The following FABP12 variants were observed in gnomAD, a reference collection of about 807,000 sequenced individuals.
FABP12 encodes fatty acid binding protein 12.
FABP12 carries 19 observed loss-of-function variants against 13.7 expected under a neutral mutation model. That is an observed-to-expected ratio of 1.39 (90% CI 0.97 to 2.04). The LOEUF (loss-of-function observed/expected upper bound fraction) is 2.04, where lower values mean the gene tolerates loss of function less well. Ranked by LOEUF, FABP12 falls within the 30% of genes most tolerant of loss-of-function variation. The pLI, the probability that FABP12 is intolerant of heterozygous loss-of-function variation, is 0.00. For synonymous variants in FABP12, 61 were observed against 57.0 expected (o/e 1.07, Z -0.32); for missense variants, 182 against 164.2 (o/e 1.11, Z -0.59).
chr8:81,562,071 A>C (rs1809732268), intron 1 of FABP12, among the ~76,000 whole-genome samples: 1 of 152,054 alleles, frequency 6.6e-6, no homozygotes, highest in Non-Finnish European at 1.5e-5. Context: ...AATAAAGAAA[A>C]CTTTATCTTG....
chr8:81,568,966 G>A (rs1025090109), intron 1 of FABP12, among the ~76,000 whole-genome samples: 5 of 152,148 alleles, frequency 3.3e-5, no homozygotes, highest in African/African-American at 1.2e-4. Flanking sequence ...GGCTAAGAAG[G>A]GTGGTGGTGG....
Position 81,543,592 on chromosome 8 carries a change from A to G in FABP12, c.-184-3849T>C, listed in dbSNP as rs191046765. Among the ~76,000 whole-genome samples the G allele has an allele frequency of 1.6e-4, 24 of 152,348 alleles. 1 individual carries two copies. Among genetic ancestry groups the G allele is most frequent in the Admixed American group, 7.2e-4 (11 of 15,302 alleles). Reference sequence around the variant, plus strand: ...AAGTGAGATGTTCTCATTAACCTATAAGTATATAAAAGTATGTATACCCTG... The same window carrying G: ...AAGTGAGATGTTCTCATTAACCTATGAGTATATAAAAGTATGTATACCCTG... On this transcript the variant is annotated intron_variant, in intron 1 of 5. Transcript: ENST00000692030.
chr8:81,565,955 A>G (rs1465839152), intron 1 of FABP12, among the ~76,000 whole-genome samples: 2 of 152,044 alleles, frequency 1.3e-5, no homozygotes, highest in African/African-American at 2.4e-5. Context: ...AGAAGATCCA[A>G]TAAATAAAAT....
intron 1 of FABP12, among the ~76,000 whole-genome samples, chr8:81,589,581 T>A (rs1418183493): frequency 6.6e-6 from 1 of 152,168 alleles, no homozygotes; most frequent in Non-Finnish European, 1.5e-5. Flanking sequence ...TTAGGGAGAA[T>A]AAGAAAGATT....
At chr8:81,543,579 C>T (rs536615915) in intron 1 of FABP12, among the ~76,000 whole-genome samples, 4 of 152,250 alleles carry the variant, frequency 2.6e-5, no homozygotes, top group African/African-American at 9.6e-5. Context: ...GTGAGATGTT[C>T]TCATTAACCT....
chr8:81,571,420 G>A (rs1266367273), intron 1 of FABP12, among the ~76,000 whole-genome samples: 1 of 152,232 alleles, frequency 6.6e-6, no homozygotes, highest in East Asian at 1.9e-4. Context: ...GCAGATGTCT[G>A]CCTCGAAGAC....
chr8:81,542,213 C>A (rs569400173), intron 1 of FABP12, among the ~76,000 whole-genome samples: 1 of 152,062 alleles, frequency 6.6e-6, no homozygotes, highest in Non-Finnish European at 1.5e-5. Flanking sequence ...GGAAAGGGAA[C>A]GAAGTGAAAT....
At chr8:81,527,292 TC>T (rs1808928960) in intron 3 of FABP12, among the ~76,000 whole-genome samples, 171 bp from the exon 4 acceptor site, 1 of 152,186 alleles carries the variant, frequency 6.6e-6, no homozygotes, top group African/African-American at 2.4e-5. Flanking sequence ...GTTGCCTAAT[TC>T]TGCTGAAGAA....
chr8:81,552,703 T>G (rs366564), intron 1 of FABP12, among the ~76,000 whole-genome samples: 57,561 of 152,000 alleles, frequency 0.38, 12,141 homozygotes, highest in African/African-American at 0.58. Context: ...GGTCTATTTT[T>G]TTCACTGATA....
chr8:81,525,845 CACTA>C (rs940897385), intron 4 of FABP12: 7 of 152,082 alleles, frequency 4.6e-5, no homozygotes, highest in Middle Eastern at 3.2e-3. Context: ...GTTTTCAGGG[CACTA>C]ATATACACAT....
At chr8:81,571,930 T>C (rs1809939116) in intron 1 of FABP12, among the ~76,000 whole-genome samples, 2 of 145,500 alleles carry the variant, frequency 1.4e-5, no homozygotes. Flanking sequence ...TAAGATATTC[T>C]ATATGACTAT....
At chr8:81,537,218 C>T (rs1312395363), upstream of FABP12, among the ~76,000 whole-genome samples, 1 of 151,554 alleles carries the variant, frequency 6.6e-6, no homozygotes. Flanking sequence ...TTTAAAATCA[C>T]TCTAAGTGCT....
intron 1 of FABP12, among the ~76,000 whole-genome samples, chr8:81,546,588 G>A (rs1255076820): frequency 6.6e-6 from 1 of 152,154 alleles, no homozygotes; most frequent in Non-Finnish European, 1.5e-5. Flanking sequence ...GCGTCAACCT[G>A]GGAGGTGGAG....
intron 1 of FABP12, among the ~76,000 whole-genome samples, chr8:81,578,347 T>C (rs1810088783): frequency 6.6e-6 from 1 of 152,200 alleles, no homozygotes. Flanking sequence ...TGTGATTACA[T>C]AAAAGTAGGC....
At chr8:81,565,710 T>C (rs1809808843) in intron 1 of FABP12, among the ~76,000 whole-genome samples, 1 of 151,980 alleles carries the variant, frequency 6.6e-6, no homozygotes, top group Admixed American at 6.6e-5. Flanking sequence ...TATAAGCACC[T>C]ACATCAAAAC....
chr8:81,565,192 T>A (rs1312630646), intron 1 of FABP12, among the ~76,000 whole-genome samples: 1 of 151,990 alleles, frequency 6.6e-6, no homozygotes, highest in Non-Finnish European at 1.5e-5. Flanking sequence ...ATAGGGCAAA[T>A]ATTTTTAGAG....
intron 1 of FABP12, among the ~76,000 whole-genome samples, chr8:81,558,814 C>T (rs1266825208): frequency 2.7e-5 from 4 of 148,900 alleles, no homozygotes; most frequent in East Asian, 2.0e-4. Flanking sequence ...CGCTTGAACC[C>T]GGGAGGCAGC....
At chr8:81,541,911 A>T (rs141849779) in intron 1 of FABP12, among the ~76,000 whole-genome samples, 4,659 of 60,124 alleles carry the variant, frequency 0.077, 134 homozygotes, top group Non-Finnish European at 0.095. Flanking sequence ...CCCAGGGTTT[A>T]AAAAAAAAAA....
intron 1 of FABP12, among the ~76,000 whole-genome samples, chr8:81,567,695 A>G (rs1314425302): frequency 6.6e-6 from 1 of 152,254 alleles, no homozygotes; most frequent in Non-Finnish European, 1.5e-5. Context: ...TCCACAAACT[A>G]TGAAACTATT....
Sources: gnomAD v4.1 joint callset for allele counts (sites outside exome capture counted in the v4.1 genomes callset) on GRCh38, gnomAD v4.1.1 for gene constraint, MANE v1.5 for transcripts, NCBI Gene and HGNC (gene_info 2026-07-23, HGNC 2026-07-21) for gene names.